The following EIF4G3 variants were observed in gnomAD, a reference collection of about 807,000 sequenced individuals.
The protein encoded by EIF4G3 is eIF-4-gamma 3.
In EIF4G3, 34 loss-of-function variants were observed where a neutral mutation model predicts 186.4. The ratio of observed to expected loss-of-function variants is 0.18; its 90% CI spans 0.14 to 0.24. The LOEUF (loss-of-function observed/expected upper bound fraction) is 0.24. Ranked by LOEUF, EIF4G3 falls within the 10% of genes least tolerant of loss-of-function variation. The probability of loss-of-function intolerance (pLI) is 1.00; values close to 1 mark genes in which losing one functional copy is unlikely to be tolerated. For missense variants in EIF4G3, 1,536 were observed against 1,948.5 expected, an observed-to-expected ratio of 0.79 and a Z score of 3.99; for synonymous variants, 673 against 679.5, an observed-to-expected ratio of 0.99 and a Z score of 0.15.
intron 14 of EIF4G3, among the ~76,000 whole-genome samples, chr1:20,924,568 T>C (rs2154560344): frequency 6.6e-6 from 1 of 152,230 alleles, no homozygotes; most frequent in East Asian, 1.9e-4. Flanking sequence ...GTTCTTTTTG[T>C]TTTGTTTTTT....
chr1:20,948,062 A>G (rs1284367978), intron 13 of EIF4G3, among the ~76,000 whole-genome samples: 1 of 152,222 alleles, frequency 6.6e-6, no homozygotes, highest in African/African-American at 2.4e-5. Flanking sequence ...GCACAGCTAC[A>G]GAGAAAGTCT....
At chr1:20,862,194 C>G in intron 23 of EIF4G3, 34 bp downstream of exon 23, 1 of 1,299,062 alleles carries the variant, frequency 7.7e-7, no homozygotes, top group Non-Finnish European at 1.1e-6. Context: ...GAGACTGGAC[C>G]AGCAGGCTTA....
chr1:20,962,423 A>AT (rs2073529615), intron 12 of EIF4G3, among the ~76,000 whole-genome samples: 1 of 152,220 alleles, frequency 6.6e-6, no homozygotes, highest in Non-Finnish European at 1.5e-5. Flanking sequence ...TATCAGTATC[A>AT]TAAGTTTACA....
intron 4 of EIF4G3, among the ~76,000 whole-genome samples, chr1:21,009,332 A>G (rs2086264696): frequency 1.3e-5 from 2 of 151,826 alleles, no homozygotes; most frequent in African/African-American, 4.8e-5. Context: ...GGCACATACC[A>G]CAATGCCTGA....
At chr1:21,164,545 A>G (rs1385330284) in intron 2 of EIF4G3, among the ~76,000 whole-genome samples, 3 of 152,042 alleles carry the variant, frequency 2.0e-5, no homozygotes, top group Admixed American at 6.6e-5. Flanking sequence ...TGGGCAACAC[A>G]GTGAGACTCT....
intron 2 of EIF4G3, among the ~76,000 whole-genome samples, chr1:21,103,207 C>T (rs2096557608): frequency 6.6e-6 from 1 of 152,132 alleles, no homozygotes; most frequent in Non-Finnish European, 1.5e-5. Flanking sequence ...TCCATCTGGT[C>T]AGCTGAACTC....
intron 14 of EIF4G3, among the ~76,000 whole-genome samples, chr1:20,907,047 G>A (rs139075848): frequency 1.3e-5 from 2 of 152,180 alleles, no homozygotes; most frequent in South Asian, 4.2e-4. Flanking sequence ...CTAGAATGGG[G>A]GAATTAAATT....
intron 11 of EIF4G3, among the ~76,000 whole-genome samples, chr1:20,972,623 AG>A (rs2076121578): frequency 6.6e-6 from 1 of 151,950 alleles, no homozygotes; most frequent in Admixed American, 6.6e-5. Flanking sequence ...CTACAGAGTG[AG>A]ACTCCATCTC....
intron 2 of EIF4G3, among the ~76,000 whole-genome samples, chr1:21,150,551 A>C (rs144171538): frequency 1.3e-5 from 2 of 152,340 alleles, no homozygotes; most frequent in African/African-American, 4.8e-5. Flanking sequence ...GGAAAATCTA[A>C]ACGCATTTCA....
intron 7 of EIF4G3, among the ~76,000 whole-genome samples, chr1:20,991,167 G>A (rs1378630452): frequency 6.6e-6 from 1 of 152,084 alleles, no homozygotes. Flanking sequence ...CCGGCATGTG[G>A]TCAATATTAT....
rs774815774 is a variant in EIF4G3, at chr1:20,810,873, T to C, written c.4609A>G (p.Thr1537Ala). The change falls in exon 36 of 37, where the codon ACC becomes GCC. Residue 1537 changes from threonine to alanine, a missense_variant. Coordinates refer to ENST00000602326, the MANE Select transcript of EIF4G3 (RefSeq NM_001391906.1). The surrounding 1 kb of genome is among the most constrained non-coding windows in gnomAD (Gnocchi z 4.1). ...CKAAIIADSS[T>A]FRVDTAVIKQ... ...ATAACAGCAGTGTCCACTCTGAAGG[T>C]AGAAGAGTCGGCTAAAGGTGATAGA... 2.5e-6 allele frequency: 4 copies of C among 1,612,966 alleles called. No homozygotes were observed. The highest frequency in any genetic ancestry group is 1.3e-5 in the African/African-American group (1 of 74,932).
Position 20,813,166 on chromosome 1 carries a change from G to A in EIF4G3, c.4589C>T (p.Ala1530Val). ...TCAGAAATGTTACTTACCTATAATA[G>A]CTGCTTTACAAACAGCAGTCATTAA... ...RALMTAVCKA[A>V]IIADSSTFRV... is the part of the protein sequence containing the mutation. The change falls in exon 35 of 37, where the codon GCT becomes GTT. Residue 1530 changes from alanine to valine, a missense_variant. By Grantham distance (64) the Ala-to-Val change is moderately conservative (BLOSUM62 0). Coordinates refer to ENST00000602326, the MANE Select transcript of EIF4G3 (RefSeq NM_001391906.1). The A allele has an allele frequency of 6.2e-7, 1 of 1,610,450 alleles. No homozygotes were observed.
intron 2 of EIF4G3, among the ~76,000 whole-genome samples, chr1:21,119,851 C>CT (rs1258457431): frequency 6.6e-6 from 1 of 152,068 alleles, no homozygotes; most frequent in Non-Finnish European, 1.5e-5. Context: ...TCTTAAGCAT[C>CT]TTTCCAGAAA....
At chr1:20,968,205 T>C (rs2075121434) in intron 12 of EIF4G3, among the ~76,000 whole-genome samples, 1 of 151,154 alleles carries the variant, frequency 6.6e-6, no homozygotes, top group Non-Finnish European at 1.5e-5. Context: ...ACAGAGTCTC[T>C]CTCTCTCTAT....
Position 20,860,395 on chromosome 1 carries a change from C to T in EIF4G3, c.3234G>A (p.Lys1078=). The part of the protein sequence containing the change: ...RKVQQLMTKE[K]RRPGVQRVDE... ...GGATTCCGGCCTCACCTGGTCTTCT[C>T]TTCTCTTTGGTCATGAGTTGCTGGA... The change falls in exon 24 of 37, where the codon AAG becomes AAA. Residue 1078 remains lysine (K), a synonymous_variant. Coordinates refer to ENST00000602326, the MANE Select transcript of EIF4G3 (RefSeq NM_001391906.1). 6.2e-7 allele frequency: 1 copy of T among 1,614,110 alleles called. No homozygotes were observed. Among genetic ancestry groups the T allele is most frequent in the Non-Finnish European group, 8.5e-7 (1 of 1,180,006 alleles).
intron 2 of EIF4G3, among the ~76,000 whole-genome samples, chr1:21,165,198 C>T (rs1405314778): frequency 6.6e-6 from 1 of 152,158 alleles, no homozygotes; most frequent in South Asian, 2.1e-4. Context: ...GGCAAGGATG[C>T]AGAAAAACTG....
Position 21,003,729 on chromosome 1 carries a change from T to A in EIF4G3, c.-66-921A>T, listed in dbSNP as rs1292876841. 16 of 436,482 alleles carry A rather than the reference T, an allele frequency of 3.7e-5. No homozygotes were observed. In the East Asian group the frequency reaches 1.2e-3, roughly 32 times the overall value. 27.0% of individuals were successfully genotyped at this position (436,482 alleles called of 1,614,324 possible). A position where few individuals can be genotyped will look rare whatever the true frequency, so the allele number is the denominator to read the frequency against. On this transcript the variant is annotated intron_variant, in intron 4 of 36. Coordinates refer to ENST00000602326, the MANE Select transcript of EIF4G3 (RefSeq NM_001391906.1). ...TCTCAGGCTGATCACTCCACACTTG[T>A]TTAACCTGCCTGTGAGGTTCACAAC...
chr1:20,836,551 T>C (rs1444525595), intron 30 of EIF4G3, among the ~76,000 whole-genome samples: 1 of 152,226 alleles, frequency 6.6e-6, no homozygotes, highest in Non-Finnish European at 1.5e-5. Context: ...CCAGCCTACA[T>C]AGGGTCTTTT....
At chr1:20,907,709 C>T (rs1002795109) in intron 14 of EIF4G3, among the ~76,000 whole-genome samples, 1 of 152,076 alleles carries the variant, frequency 6.6e-6, no homozygotes, top group Non-Finnish European at 1.5e-5. Flanking sequence ...CATGTCCCTA[C>T]AAAGGACATG....
Sources: gnomAD v4.1 joint callset for allele counts (sites outside exome capture counted in the v4.1 genomes callset) on GRCh38, gnomAD v4.1.1 for gene constraint, Gnocchi (gnomAD v3.1) non-coding constraint, MANE v1.5 for transcripts, NCBI Gene and HGNC (gene_info 2026-07-23, HGNC 2026-07-21) for gene names.